Variants in LGMN observed in about 807,000 individuals in gnomAD.
LGMN encodes the protein asparaginyl endopeptidase.
A neutral mutation model predicts 56.8 loss-of-function variants in LGMN; 36 were observed. The observed-to-expected ratio is 0.63, with a 90% CI of 0.49 to 0.84. The LOEUF (loss-of-function observed/expected upper bound fraction) is 0.84. LGMN is among the 40% of genes least tolerant of loss of function. The pLI is 0.00. For synonymous variants in LGMN, 199 were observed against 210.1 expected (o/e 0.95, Z 0.46); for missense variants, 446 against 556.1 (o/e 0.80, Z 1.99).
chr14:92,704,480 T>C (rs1889320278), intron 13 of LGMN, 119 bp from the exon 14 acceptor site: 10 of 1,054,466 alleles, frequency 9.5e-6, no homozygotes, highest in East Asian at 2.4e-5. Flanking sequence ...CAGCTGTCAC[T>C]GAGAACGTGG....
intron 10 of LGMN, among the ~76,000 whole-genome samples, chr14:92,711,249 A>C (rs1279857479): frequency 2.6e-5 from 4 of 152,212 alleles, no homozygotes; most frequent in Non-Finnish European, 5.9e-5. Flanking sequence ...GGACCCCAGA[A>C]AATCCAAGGT....
intron 2 of LGMN, among the ~76,000 whole-genome samples, chr14:92,719,266 GCCGCCGCCGCCA>G (rs1266012056): frequency 7.1e-4 from 7 of 9,904 alleles, no homozygotes; most frequent in Middle Eastern, 0.036. Context: ...CACCGCCACC[GCCGCCGCCGCCA>G]CCGCCGCCGC....
intron 2 of LGMN, among the ~76,000 whole-genome samples, chr14:92,724,912 T>C (rs138578182): frequency 9.2e-5 from 14 of 152,286 alleles, no homozygotes; most frequent in South Asian, 4.1e-4. Context: ...ACCTGCCAAG[T>C]ATACATATAT....
chr14:92,712,356 A>T (rs889266940), intron 8 of LGMN, among the ~76,000 whole-genome samples: 1 of 152,174 alleles, frequency 6.6e-6, no homozygotes, highest in African/African-American at 2.4e-5. Flanking sequence ...ACCACTTACT[A>T]TCTCTCTACC....
intron 11 of LGMN, among the ~76,000 whole-genome samples, chr14:92,707,790 T>C (rs1230405801): frequency 6.6e-6 from 1 of 152,232 alleles, no homozygotes; most frequent in African/African-American, 2.4e-5. Context: ...GTCTTGGAAA[T>C]AGTTTTCAAA....
rs369761097 is a variant in LGMN at position 92,709,829 on chromosome 14, C to T, written c.863G>A (p.Arg288His). 2.5e-6 allele frequency: 4 copies of T among 1,612,500 alleles called. No individual in the cohort carries two copies. Among genetic ancestry groups the T allele is most frequent in the Admixed American group, 1.7e-5 (1 of 59,904 alleles). Reference protein sequence around the residue: ...MKVMQFQGMKRKASSPVPLPP... With the variant: ...MKVMQFQGMKHKASSPVPLPP... Reference sequence around the variant, plus strand: ...TAGGGGGACGGGAGAACTGGCTTTGCGTTTCATACCCTGAAACTGCATCAC... The same window carrying T: ...TAGGGGGACGGGAGAACTGGCTTTGTGTTTCATACCCTGAAACTGCATCAC... Residue 288 changes from arginine to histidine, a missense_variant, in exon 11 of 14, where the codon CGC (arginine) becomes CAC (histidine). Physicochemically the swap from Arg to His is conservative, Grantham distance 29. Coordinates refer to ENST00000334869, the MANE Select transcript of LGMN (RefSeq NM_005606.7).
chr14:92,717,521 C>T, intron 3 of LGMN, 60 bp from the exon 4 acceptor site: 1 of 1,231,574 alleles, frequency 8.1e-7, no homozygotes, highest in Non-Finnish European at 1.2e-6. Flanking sequence ...TCTCTCTCTT[C>T]AAACACATGT....
rs58252533 is a variant in LGMN at position 92,734,646 on chromosome 14, G to GA, written c.-29-1832dup. Among the ~76,000 whole-genome samples the GA allele has an allele frequency of 3.8e-3, 464 of 123,442 alleles. 1 individual carries two copies. The highest frequency in any genetic ancestry group is 4.1e-3 in the Middle Eastern group (1 of 246). 81.0% of individuals were successfully genotyped at this position (123,442 alleles called of 152,430 possible). On this transcript the variant is annotated intron_variant, in intron 1 of 13. Transcript: ENST00000334869. Reference sequence around the variant, plus strand: ...CAGAGCAAGACTCCGTCTCAAAAAAGAAAAAAAAAAAAAACTTTATTATTA... The same window carrying GA: ...CAGAGCAAGACTCCGTCTCAAAAAAGAAAAAAAAAAAAAAACTTTATTATTA...
intron 12 of LGMN, among the ~76,000 whole-genome samples, chr14:92,705,154 G>A (rs1889363093): frequency 6.6e-6 from 1 of 152,210 alleles, no homozygotes; most frequent in African/African-American, 2.4e-5. Context: ...GGGAACCCAA[G>A]AACTCTCTGA....
chr14:92,719,147 C>CCACCAT (rs1166312370), intron 2 of LGMN, among the ~76,000 whole-genome samples: 1 of 118,410 alleles, frequency 8.4e-6, no homozygotes, highest in Non-Finnish European at 1.8e-5. Context: ...ACCGCCACCA[C>CCACCAT]CACCGCCACT....
intron 1 of LGMN, among the ~76,000 whole-genome samples, chr14:92,738,758 T>C (rs1595564014): frequency 6.6e-6 from 1 of 151,194 alleles, no homozygotes; most frequent in Non-Finnish European, 1.5e-5. Context: ...CAGTGGCTCA[T>C]GCCTGTAATC....
intron 5 of LGMN, chr14:92,715,740 C>T (rs1890040767): frequency 6.4e-6 from 1 of 155,170 alleles, no homozygotes; most frequent in Non-Finnish European, 1.4e-5. Flanking sequence ...TGTGCCTCTC[C>T]CCGCTGGGCT....
chr14:92,737,005 G>T (rs1316494590), intron 1 of LGMN, among the ~76,000 whole-genome samples: 1 of 152,082 alleles, frequency 6.6e-6, no homozygotes, highest in East Asian at 1.9e-4. Context: ...TCCAACCAAC[G>T]GCTCTCACCT....
Position 92,718,738 on chromosome 14 carries a change from C to G in LGMN, c.236+9G>C. The G allele has an allele frequency of 1.9e-6, 3 of 1,580,106 alleles. No individual in the cohort carries two copies. In the African/African-American group the frequency reaches 4.0e-5, roughly 21 times the overall value. On this transcript the variant is annotated intron_variant, in intron 3 of 13. Coordinates refer to ENST00000334869, the MANE Select transcript of LGMN (RefSeq NM_005606.7). ...CTTCCCCACCAAGTTCCAAGTGTTC[C>G]CCACTTACTCTTCAGAGTAAGCAAT...
chr14:92,737,285 T>C (rs2140272415), intron 1 of LGMN, among the ~76,000 whole-genome samples: 1 of 152,196 alleles, frequency 6.6e-6, no homozygotes, highest in South Asian at 2.1e-4. Context: ...GAAACACAAA[T>C]ATAGCCTTTT....
chr14:92,717,587 C>A, intron 3 of LGMN, 126 bp from the exon 4 acceptor site: 1 of 663,016 alleles, frequency 1.5e-6, no homozygotes, highest in Non-Finnish European at 2.7e-6. Flanking sequence ...AACTTATGGC[C>A]TGCAGGGTGG....
chr14:92,728,410 T>C (rs965031377), intron 2 of LGMN, among the ~76,000 whole-genome samples: 6 of 152,226 alleles, frequency 3.9e-5, no homozygotes, highest in African/African-American at 7.2e-5. Context: ...TCCTAGGCCA[T>C]CCACCTGTAC....
chr14:92,740,836 C>T (rs779729641), intron 1 of LGMN, among the ~76,000 whole-genome samples: 5 of 152,218 alleles, frequency 3.3e-5, no homozygotes, highest in Admixed American at 6.5e-5. Context: ...TGTTCCCACT[C>T]GGACTTCATC....
At chr14:92,704,578 G>T in intron 13 of LGMN, 62 bp downstream of exon 13, 2 of 1,394,180 alleles carry the variant, frequency 1.4e-6, no homozygotes, top group South Asian at 1.1e-5. Flanking sequence ...AGAAGAGGAT[G>T]GCAGCCCCTT....
Sources: gnomAD v4.1 joint callset for allele counts (sites outside exome capture counted in the v4.1 genomes callset) on GRCh38, gnomAD v4.1.1 for gene constraint, MANE v1.5 for transcripts, NCBI Gene and HGNC (gene_info 2026-07-23, HGNC 2026-07-21) for gene names.